GALK1: variants seen among roughly 807,000 people sequenced by gnomAD.
GALK1 encodes the protein galactokinase.
GALK1 carries 30 observed loss-of-function variants against 38.6 expected under a neutral mutation model. The observed-to-expected ratio is 0.78, with a 90% CI of 0.58 to 1.05. GALK1 has a LOEUF of 1.05. GALK1 is among the 50% of genes least tolerant of loss of function. The pLI is 0.00. For missense variants in GALK1, 512 were observed against 540.5 expected, an observed-to-expected ratio of 0.95 and a Z score of 0.52; for synonymous variants, 240 against 233.6, an observed-to-expected ratio of 1.03 and a Z score of -0.25.
At chr17:75,754,913 C>A, downstream of GALK1, 1 of 1,572,364 alleles carries the variant, frequency 6.4e-7, no homozygotes, top group Admixed American at 1.7e-5. Flanking sequence ...ACCGCCCATT[C>A]TCCAACATAC....
downstream of GALK1, chr17:75,755,682 T>C (rs770001022): frequency 1.2e-6 from 2 of 1,612,398 alleles, no homozygotes; most frequent in Admixed American, 3.3e-5. Context: ...TCTGGCTGAC[T>C]GCGGCCTCCT....
At chr17:75,753,752 C>G, downstream of GALK1, 1 of 1,418,380 alleles carries the variant, frequency 7.1e-7, no homozygotes, top group Non-Finnish European at 9.2e-7. Flanking sequence ...CGCGGCCCTT[C>G]GTTGTTCCCA....
downstream of GALK1, chr17:75,756,699 C>T (rs2061514243): frequency 3.7e-6 from 6 of 1,613,488 alleles, no homozygotes; most frequent in Admixed American, 1.7e-5. Context: ...CTCTACTGCC[C>T]CCAGGCTCCG....
downstream of GALK1, chr17:75,756,809 A>G (rs373930132): frequency 1.1e-5 from 17 of 1,612,528 alleles, no homozygotes; most frequent in East Asian, 2.2e-5. Context: ...CGGAGGCCCA[A>G]TGGGGATATC....
chr17:75,758,176 G>A (rs376516996), intron 7 of GALK1, 34 bp downstream of exon 7: 1,220 of 1,609,792 alleles, frequency 7.6e-4, no homozygotes, highest in Admixed American at 9.9e-4. Context: ...GGAAGCTGCC[G>A]CTCCTGCCCG....
chr17:75,755,942 C>T, downstream of GALK1: 4 of 1,455,648 alleles, frequency 2.7e-6, no homozygotes, highest in Admixed American at 5.8e-5. Context: ...TGTCAGGAAC[C>T]CACCCAAGTC....
At chr17:75,754,989 TG>T, downstream of GALK1, 1 of 1,553,178 alleles carries the variant, frequency 6.4e-7, no homozygotes, top group African/African-American at 1.4e-5. Context: ...CAGACATGCA[TG>T]CGCACACGTA....
At chr17:75,758,758 A>C (rs761066404) in intron 5 of GALK1, among the ~76,000 whole-genome samples, 159 bp from the exon 6 acceptor site, 2 of 152,228 alleles carry the variant, frequency 1.3e-5, no homozygotes, top group Non-Finnish European at 2.9e-5. Flanking sequence ...GTGGGTCTGA[A>C]GAGCCCCTTT....
Position 75,757,895 on chromosome 17 carries a change from T to A in GALK1, c.*161A>T, listed in dbSNP as rs573827457. 1.2e-6 allele frequency: 1 copy of A among 830,798 alleles called. No homozygotes were observed. The highest frequency in any genetic ancestry group is 2.7e-5 in the East Asian group (1 of 37,492). 51.5% of individuals were successfully genotyped at this position (830,798 alleles called of 1,614,324 possible). On this transcript the variant is annotated 3_prime_UTR_variant, in exon 8 of 8. Coordinates refer to ENST00000588479, the MANE Select transcript of GALK1 (RefSeq NM_000154.2). ...GGGGAGCGGTTCTGACATCCCCCAT[T>A]CTCTGACACCCAAGCATACACCCAC...
downstream of GALK1, chr17:75,755,878 G>A (rs1026234365): frequency 1.9e-6 from 3 of 1,595,096 alleles, no homozygotes; most frequent in East Asian, 4.5e-5. Flanking sequence ...CCAGGCTGCG[G>A]GGTGCAGCCC....
At chr17:75,757,476 C>A (rs2061546510), downstream of GALK1, 8 of 1,612,914 alleles carry the variant, frequency 5.0e-6, no homozygotes, top group Non-Finnish European at 6.8e-6. Flanking sequence ...CGGCATGTGA[C>A]CCAGGAGTTT....
chr17:75,757,681 G>A, downstream of GALK1: 2 of 1,335,258 alleles, frequency 1.5e-6, no homozygotes, highest in Non-Finnish European at 2.1e-6. Flanking sequence ...CAGAGCAGGG[G>A]CTAGGTGTCT....
chr17:75,758,330 C>T lies in GALK1; in HGVS notation c.987G>A (p.Val329=), dbSNP rs184160171. ...CCCCAGGCACAGCAAGCGCAGCCTC[C>T]ACCAGCTGGTCCAGCTCTGGGCAGC... The part of the protein sequence containing the change: ...EVSCPELDQL[V]EAALAVPGVY... The change falls in exon 7 of 8, where the codon GTG becomes GTA. Residue 329 remains valine, a synonymous_variant. Coordinates refer to ENST00000588479, the MANE Select transcript of GALK1 (RefSeq NM_000154.2). The T allele has an allele frequency of 3.2e-4, 512 of 1,594,704 alleles. 5 individuals carry two copies. The East Asian group carries it at 0.01, about 32-fold the overall frequency.
downstream of GALK1, chr17:75,755,057 C>T: frequency 6.3e-6 from 10 of 1,597,384 alleles, no homozygotes; most frequent in Non-Finnish European, 8.5e-6. Context: ...TGCCCTAGGC[C>T]TCCCTCCCAT....
downstream of GALK1, chr17:75,756,473 G>T (rs760434790): frequency 6.2e-7 from 1 of 1,613,212 alleles, no homozygotes; most frequent in African/African-American, 1.3e-5. Context: ...CCAGACCTCG[G>T]TGGTGGTGGA....
chr17:75,763,596 A>T lies in GALK1; in HGVS notation c.356-157T>A, dbSNP rs541143686. On this transcript the variant is annotated intron_variant, in intron 2 of 7. Transcript: ENST00000588479. ...AGCCACCAACCTGCTGGGCCAAGGGACCCACTGCCCTCCATTTTCCCACCC... is the reference window on the plus strand; with the variant it reads ...AGCCACCAACCTGCTGGGCCAAGGGTCCCACTGCCCTCCATTTTCCCACCC... The T allele has an allele frequency of 1.5e-3, 1,238 of 834,130 alleles. 2 individuals are homozygous for T. The highest frequency in any genetic ancestry group is 2.2e-3 in the Non-Finnish European group (1,133 of 522,416). 51.7% of individuals were successfully genotyped at this position (834,130 alleles called of 1,614,324 possible). A position where few individuals can be genotyped will look rare whatever the true frequency, so the allele number is the denominator to read the frequency against.
intron 5 of GALK1, among the ~76,000 whole-genome samples, chr17:75,759,977 C>A (rs943147649): frequency 6.6e-6 from 1 of 152,190 alleles, no homozygotes; most frequent in Non-Finnish European, 1.5e-5. Flanking sequence ...ACTATGGTAG[C>A]AGAATGTGCT....
downstream of GALK1, among the ~76,000 whole-genome samples, chr17:75,753,123 A>G (rs1166041038): frequency 1.3e-5 from 2 of 152,220 alleles, no homozygotes. Context: ...GCTCTGTATA[A>G]TGGGATACCA....
At chr17:75,757,506 C>T, downstream of GALK1, 1 of 1,613,294 alleles carries the variant, frequency 6.2e-7, no homozygotes, top group South Asian at 1.1e-5. Context: ...ACACTGACCA[C>T]CAGCGGAACC....
Sources: allele counts gnomAD v4.1 joint callset (sites outside exome capture counted in the v4.1 genomes callset), GRCh38; gene constraint gnomAD v4.1.1; transcripts MANE v1.5; gene names NCBI Gene and HGNC (gene_info 2026-07-23, HGNC 2026-07-21).